Variants in ZNF253 observed in about 807,000 individuals in gnomAD.
ZNF253 encodes DNA-binding protein.
A neutral mutation model predicts 11.9 loss-of-function variants in ZNF253; 8 were observed. That is an observed-to-expected ratio of 0.67 (90% CI 0.40 to 1.22). The LOEUF (loss-of-function observed/expected upper bound fraction) is 1.22. ZNF253 is among the 50% of genes most tolerant of loss of function. The pLI, the probability that ZNF253 is intolerant of heterozygous loss-of-function variation, is 0.01. For missense variants in ZNF253, 485 were observed against 586.9 expected, an observed-to-expected ratio of 0.83 and a Z score of 1.79; for synonymous variants, 194 against 194.9, an observed-to-expected ratio of 1.00 and a Z score of 0.04.
At chr19:19,868,719 A>T (rs2063121182) in intron 1 of ZNF253, among the ~76,000 whole-genome samples, 1 of 152,126 alleles carries the variant, frequency 6.6e-6, no homozygotes, top group Non-Finnish European at 1.5e-5. Context: ...GCATTAGGAG[A>T]AATACCTAGT....
At chr19:19,880,255 A>G (rs2063171983) in intron 3 of ZNF253, 109 bp downstream of exon 3, 1 of 769,632 alleles carries the variant, frequency 1.3e-6, no homozygotes, top group South Asian at 1.8e-5. Flanking sequence ...TTCCAAAGGA[A>G]ATAGGTCCTG....
chr19:19,882,204 A>G (rs905944979), intron 3 of ZNF253, among the ~76,000 whole-genome samples: 36 of 151,950 alleles, frequency 2.4e-4, no homozygotes, highest in Admixed American at 4.6e-4. Context: ...AAAAAAAAAA[A>G]AAGAAGAAGA....
At chr19:19,880,198 A>G (rs1298589056) in intron 3 of ZNF253, 52 bp downstream of exon 3, 2 of 1,378,106 alleles carry the variant, frequency 1.5e-6, no homozygotes, top group Non-Finnish European at 2.0e-6. Context: ...AAAGGTCCCA[A>G]TGTCAAAGAG....
At position 19,892,777 on chromosome 19, in the gene ZNF253, G is replaced by A. The variant is rs370845703; in HGVS notation, c.*30G>A. ...TACTGGAGAGAAACCCTATGAATGTGATGAATGTGGGAAAGCCTTTAACCA... is the reference window on the plus strand; with the variant it reads ...TACTGGAGAGAAACCCTATGAATGTAATGAATGTGGGAAAGCCTTTAACCA... On this transcript the variant is annotated 3_prime_UTR_variant, in exon 4 of 4. Transcript: ENST00000589717. 2.6e-6 allele frequency: 4 copies of A among 1,546,694 alleles called. No homozygotes were observed. In the African/African-American group the frequency reaches 4.1e-5, roughly 16 times the overall value.
rs553594290 is a variant in ZNF253, at chr19:19,882,050, G to A, written c.226+1904G>A. Among the ~76,000 whole-genome samples the A allele has an allele frequency of 2.1e-4, 32 of 152,134 alleles. 3 individuals are homozygous for A. The South Asian group carries it at 6.2e-3, about 30-fold the overall frequency. ...CTAAAAATACAAAAGTTAGCCGGGT[G>A]TGGTGACATGCACCTGTAATCCCAG... is the stretch of plus-strand genomic sequence containing the variant. On this transcript the variant is annotated intron_variant, in intron 3 of 3. Transcript: ENST00000589717.
intron 3 of ZNF253, among the ~76,000 whole-genome samples, chr19:19,891,161 C>T (rs1022717772): frequency 2.0e-5 from 3 of 152,228 alleles, no homozygotes; most frequent in African/African-American, 7.2e-5. Context: ...TTTAAAAGCA[C>T]AATGTTATAC....
chr19:19,875,656 A>T (rs1291467757), intron 1 of ZNF253, among the ~76,000 whole-genome samples: 3 of 152,126 alleles, frequency 2.0e-5, no homozygotes, highest in Non-Finnish European at 4.4e-5. Flanking sequence ...CGGCCTCCCA[A>T]AGTGCTGGAA....
At chr19:19,888,431 T>G (rs1198161351) in intron 3 of ZNF253, among the ~76,000 whole-genome samples, 1 of 146,766 alleles carries the variant, frequency 6.8e-6, no homozygotes, top group Non-Finnish European at 1.5e-5. Context: ...TCTTTTTGTG[T>G]TTTTTTTTTA....
intron 3 of ZNF253, among the ~76,000 whole-genome samples, chr19:19,884,087 T>A (rs1366983445): frequency 1.3e-5 from 2 of 151,026 alleles, no homozygotes; most frequent in African/African-American, 4.9e-5. Context: ...ATACCTCATA[T>A]AAGTGGAATC....
rs558505901 is a variant in ZNF253 at position 19,891,706 on chromosome 19, T to C, written c.459T>C (p.Phe153=). Residue 153 remains phenylalanine (F), a synonymous_variant, in exon 4 of 4, where the codon TTT becomes TTC. Transcript: ENST00000589717. ...AATGTGATAAATATGGAAAAGTCTT[T>C]CATAAGTTTTCAAATTCAAACACAT... The part of the protein sequence containing the change: ...IFQCDKYGKV[F]HKFSNSNTYK... The C allele has an allele frequency of 1.5e-4, 247 of 1,614,096 alleles. 4 individuals are homozygous for C. The South Asian group carries it at 2.5e-3, about 16-fold the overall frequency.
At chr19:19,872,382 A>G (rs891222168) in intron 1 of ZNF253, among the ~76,000 whole-genome samples, 2 of 151,892 alleles carry the variant, frequency 1.3e-5, no homozygotes, top group Non-Finnish European at 2.9e-5. Context: ...TATCTGACAA[A>G]TGTAAGTCCT....
chr19:19,877,606 C>T (rs990989469), intron 1 of ZNF253, among the ~76,000 whole-genome samples: 2 of 152,120 alleles, frequency 1.3e-5, no homozygotes, highest in Admixed American at 1.3e-4. Flanking sequence ...AACTCCCGAC[C>T]TCAGGTGACC....
intron 2 of ZNF253, among the ~76,000 whole-genome samples, chr19:19,879,058 A>G (rs1031210936): frequency 6.6e-6 from 1 of 152,326 alleles, no homozygotes; most frequent in Non-Finnish European, 1.5e-5. Context: ...ACTCATTTGC[A>G]GTTTAAAGTC....
intron 3 of ZNF253, among the ~76,000 whole-genome samples, chr19:19,884,673 GTGTTA>G: frequency 6.6e-6 from 1 of 152,020 alleles, no homozygotes; most frequent in Non-Finnish European, 1.5e-5. Flanking sequence ...CACTTCGCCT[GTGTTA>G]TGTATTTTAG....
At chr19:19,882,564 G>A (rs940860733) in intron 3 of ZNF253, among the ~76,000 whole-genome samples, 14 of 152,094 alleles carry the variant, frequency 9.2e-5, no homozygotes, top group Non-Finnish European at 1.8e-4. Flanking sequence ...CACGGTGTCC[G>A]GCCTTAGTGT....
In ZNF253 at chr19:19,891,982, A is replaced by C; in HGVS notation, c.735A>C (p.Thr245=). Residue 245 remains threonine (T), a synonymous_variant, in exon 4 of 4, where the codon ACA becomes ACC. Transcript: ENST00000589717. ...KAFKQSSNLT[T]HKKIHTGEKP... is the part of the protein sequence containing the mutation. ...TTAAGCAGTCCTCAAACCTTACTAC[A>C]CATAAGAAAATTCATACTGGAGAGA... 1 of 1,613,956 alleles carries C rather than the reference A, an allele frequency of 6.2e-7. No individual in the cohort carries two copies. Among genetic ancestry groups the C allele is most frequent in the Non-Finnish European group, 8.5e-7 (1 of 1,180,014 alleles).
At chr19:19,880,252 G>C in intron 3 of ZNF253, 106 bp downstream of exon 3, 1 of 740,150 alleles carries the variant, frequency 1.4e-6, no homozygotes, top group Non-Finnish European at 2.1e-6. Context: ...GTGTTCCAAA[G>C]GAAATAGGTC....
At position 19,865,963 on chromosome 19, in the gene ZNF253, A is replaced by G; in HGVS notation, c.-34A>G. On this transcript the variant is annotated 5_prime_UTR_variant, in exon 1 of 4. Coordinates refer to ENST00000589717, the MANE Select transcript of ZNF253 (RefSeq NM_021047.3). ...GTGACCTGCAAGTATTGGGAGAGCC[A>G]CAGCTAAACCCCGGGACCCCTGGAA... 6.2e-7 allele frequency: 1 copy of G among 1,614,164 alleles called. No homozygotes were observed. Among genetic ancestry groups the G allele is most frequent in the Middle Eastern group, 1.6e-4 (1 of 6,062 alleles).
intron 1 of ZNF253, among the ~76,000 whole-genome samples, chr19:19,868,871 CTCTTT>C (rs2063121750): frequency 6.6e-6 from 1 of 152,050 alleles, no homozygotes; most frequent in Non-Finnish European, 1.5e-5. Context: ...TTGATATTCT[CTCTTT>C]TCTTAAGGAA....
Sources: allele counts gnomAD v4.1 joint callset (sites outside exome capture counted in the v4.1 genomes callset), GRCh38; gene constraint gnomAD v4.1.1; transcripts MANE v1.5; gene names NCBI Gene and HGNC (gene_info 2026-07-23, HGNC 2026-07-21).